Variants in SCN2A observed in about 807,000 individuals in gnomAD.
The protein encoded by SCN2A is sodium channel protein type 2 subunit alpha.
Under a neutral mutation model 188.7 loss-of-function variants are expected in SCN2A, and 20 were observed. The ratio of observed to expected loss-of-function variants is 0.11; its 90% CI spans 0.07 to 0.15. SCN2A has a LOEUF of 0.15. Ranked by LOEUF, SCN2A falls within the 10% of genes least tolerant of loss-of-function variation. The pLI, the probability that SCN2A is intolerant of heterozygous loss-of-function variation, is 1.00. For missense variants in SCN2A, 1,278 were observed against 2,445.0 expected, an observed-to-expected ratio of 0.52 and a Z score of 10.07; for synonymous variants, 804 against 833.1, an observed-to-expected ratio of 0.97 and a Z score of 0.60.
intron 1 of SCN2A, among the ~76,000 whole-genome samples, chr2:165,294,332 C>A (rs971006080): frequency 9.2e-5 from 14 of 151,988 alleles, no homozygotes; most frequent in Non-Finnish European, 1.8e-4. Context: ...CATCTTCATG[C>A]CTATGTCTGT....
At chr2:165,294,564 CT>C (rs1696396493) in intron 1 of SCN2A, among the ~76,000 whole-genome samples, 1 of 151,356 alleles carries the variant, frequency 6.6e-6, no homozygotes, top group Admixed American at 6.6e-5. Flanking sequence ...ACATTTCACT[CT>C]TAGAAAATGC....
intron 1 of SCN2A, among the ~76,000 whole-genome samples, chr2:165,291,482 C>CT (rs763026058): frequency 1.0e-4 from 6 of 59,056 alleles, no homozygotes; most frequent in African/African-American, 4.2e-4. Context: ...TTCTTTCTTT[C>CT]TTTCTTTCTT....
rs190509619 is a variant in SCN2A, at chr2:165,325,602, G to A, written c.2017-1250G>A. Among the ~76,000 whole-genome samples the A allele has an allele frequency of 9.7e-3, 1,470 of 152,156 alleles. 8 individuals carry two copies. Among genetic ancestry groups the A allele is most frequent in the Admixed American group, 0.018 (268 of 15,284 alleles). On this transcript the variant is annotated intron_variant, in intron 12 of 26. Transcript: ENST00000375437. ...ACATGTGCTTCTGTGTAGAACAGAA[G>A]GGACTAGATGATCTTCATGTGACTA...
At position 165,263,596 on chromosome 2, in the gene SCN2A, A is replaced by G. The variant is rs373277408; in HGVS notation, c.-52+23956A>G. On this transcript the variant is annotated intron_variant, in intron 1 of 26. Coordinates refer to ENST00000375437, the MANE Select transcript of SCN2A (RefSeq NM_001040142.2). ...TGGTCTATATGCTGACTTTTATGCC[A>G]GTACCTGCTGTTTTGGTGACTATAG... Among the ~76,000 whole-genome samples, 7 of 152,242 alleles carry G rather than the reference A, an allele frequency of 4.6e-5. No homozygotes were observed. The East Asian group carries it at 9.6e-4, about 21-fold the overall frequency.
chr2:165,312,037 T>C lies in SCN2A; in HGVS notation c.983T>C (p.Phe328Ser), dbSNP rs1229660601. The C allele has an allele frequency of 6.2e-7, 1 of 1,611,842 alleles. No homozygotes were observed. Among genetic ancestry groups the C allele is most frequent in the Non-Finnish European group, 8.5e-7 (1 of 1,178,598 alleles). ...EYIEDKSHFY[F>S]LEGQNDALLC... ...TCTCTTTAAATAGGTCACTTTTATT[T>C]TTTAGAGGGGCAAAATGATGCTCTG... Residue 328 changes from phenylalanine (F) to serine (S), a missense_variant, in exon 8 of 27, where the codon TTT becomes TCT. This residue lies in a region of SCN2A where 45 missense variants were observed against 58.1 expected (regional missense o/e 0.77). Transcript: ENST00000375437.
chr2:165,315,520 G>A lies in SCN2A; in HGVS notation c.1433G>A (p.Gly478Asp), dbSNP rs2105259619. ...SAESRDFSGA[G>D]GIGVFSESSS... The stretch of plus-strand genomic sequence containing the variant: ...GAATCAAGAGACTTCAGTGGTGCTG[G>A]TGGGATAGGAGTTTTTTCAGAGAGT... Residue 478 changes from glycine to aspartate, a missense_variant, in exon 11 of 27, where the codon GGT becomes GAT. Coordinates refer to ENST00000375437, the MANE Select transcript of SCN2A (RefSeq NM_001040142.2). The A allele has an allele frequency of 6.2e-6, 10 of 1,614,020 alleles. No individual in the cohort carries two copies. Among genetic ancestry groups the A allele is most frequent in the Admixed American group, 1.7e-5 (1 of 60,002 alleles).
Position 165,370,161 on chromosome 2 carries a change from C to G in SCN2A, c.3711C>G (p.Thr1237=), listed in dbSNP as rs1438275975. The G allele has an allele frequency of 1.2e-6, 2 of 1,613,970 alleles. No homozygotes were observed. Among genetic ancestry groups the G allele is most frequent in the South Asian group, 2.2e-5 (2 of 91,072 alleles). The part of the protein sequence containing the change: ...FEDIYIEQRK[T]IKTMLEYADK... ...ATATATACATTGAGCAGCGAAAAAC[C>G]ATTAAGACCATGTTAGAATATGCTG... Residue 1237 remains threonine, a synonymous_variant, in exon 20 of 27, where the codon ACC becomes ACG. Coordinates refer to ENST00000375437, the MANE Select transcript of SCN2A (RefSeq NM_001040142.2).
chr2:165,280,979 T>C (rs1303272275), intron 1 of SCN2A, among the ~76,000 whole-genome samples: 6 of 152,204 alleles, frequency 3.9e-5, no homozygotes, highest in African/African-American at 1.4e-4. Flanking sequence ...CCCAGCCAGT[T>C]GGGAGGCCAA....
intron 1 of SCN2A, chr2:165,294,187 T>A: frequency 2.5e-6 from 2 of 804,330 alleles, no homozygotes; most frequent in Non-Finnish European, 3.0e-6. Context: ...CTTCTCTACC[T>A]TTACAGTAGT....
At chr2:165,311,434 A>G (rs916890108) in intron 7 of SCN2A, among the ~76,000 whole-genome samples, 6 of 152,116 alleles carry the variant, frequency 3.9e-5, no homozygotes, top group African/African-American at 1.2e-4. Flanking sequence ...CTCAGACAAC[A>G]TATCTCTCCA....
intron 11 of SCN2A, 117 bp downstream of exon 11, chr2:165,315,875 G>C: frequency 8.5e-7 from 1 of 1,180,156 alleles, no homozygotes; most frequent in South Asian, 1.5e-5. Flanking sequence ...TCAGAGTAGT[G>C]ATGATTATCA....
chr2:165,303,255 G>A lies in SCN2A; in HGVS notation c.387-4593G>A, dbSNP rs1574541480. On this transcript the variant is annotated intron_variant, in intron 3 of 26. Coordinates refer to ENST00000375437, the MANE Select transcript of SCN2A (RefSeq NM_001040142.2). ...CTACATTAAATACTTTTGTATTTGA[G>A]TTTTTGTTATTTGAGTTTTTTTTTT... is the stretch of plus-strand genomic sequence containing the variant. 1.2e-4 allele frequency among the ~76,000 whole-genome samples: 15 copies of A among 122,390 alleles called. 1 individual carries two copies. In the South Asian group the frequency reaches 4.0e-3, roughly 33 times the overall value. The allele number at this position is 122,390 out of a possible 152,430, so 80.3% of individuals were successfully genotyped here. A position where few individuals can be genotyped will look rare whatever the true frequency, so the allele number is the denominator to read the frequency against.
chr2:165,256,105 A>C (rs891021704), intron 1 of SCN2A, among the ~76,000 whole-genome samples: 3 of 145,978 alleles, frequency 2.1e-5, no homozygotes, highest in African/African-American at 7.7e-5. Flanking sequence ...TCCCGGGTTC[A>C]AACAATTCTC....
At position 165,344,794 on chromosome 2, in the gene SCN2A, C is replaced by A; in HGVS notation, c.2802C>A (p.Ile934=). Reference sequence around the variant, plus strand: ...ATGACTTTTTCCACTCCTTCCTGATCGTGTTCCGCGTGCTGTGTGGAGAGT... The same window carrying A: ...ATGACTTTTTCCACTCCTTCCTGATAGTGTTCCGCGTGCTGTGTGGAGAGT... ...HMHDFFHSFL[I]VFRVLCGEWI... is the part of the protein sequence containing the mutation. Residue 934 remains isoleucine (I), a synonymous_variant, in exon 16 of 27, where the codon ATC becomes ATA. Coordinates refer to ENST00000375437, the MANE Select transcript of SCN2A (RefSeq NM_001040142.2). 1 of 1,614,154 alleles carries A rather than the reference C, an allele frequency of 6.2e-7. No individual in the cohort carries two copies. The highest frequency in any genetic ancestry group is 8.5e-7 in the Non-Finnish European group (1 of 1,180,032).
intron 16 of SCN2A, among the ~76,000 whole-genome samples, chr2:165,350,191 C>T (rs1699809944): frequency 6.6e-6 from 1 of 152,178 alleles, no homozygotes; most frequent in Non-Finnish European, 1.5e-5. Flanking sequence ...AGACAACTTC[C>T]TCTCTCCCTA....
chr2:165,283,332 A>C (rs1695665581), intron 1 of SCN2A, among the ~76,000 whole-genome samples: 1 of 152,196 alleles, frequency 6.6e-6, no homozygotes, highest in South Asian at 2.1e-4. Flanking sequence ...CTGAATGAGC[A>C]CTCAGGACTA....
At chr2:165,268,650 G>T in intron 1 of SCN2A, 1 of 152,134 alleles carries the variant, frequency 6.6e-6, no homozygotes, top group South Asian at 2.0e-4. Flanking sequence ...AAATTAGTGT[G>T]ATAAAGAGAT....
At chr2:165,259,060 C>T (rs1694457727) in intron 1 of SCN2A, among the ~76,000 whole-genome samples, 1 of 152,196 alleles carries the variant, frequency 6.6e-6, no homozygotes. Flanking sequence ...CAAACCTTCA[C>T]ATGTACCTCT....
intron 16 of SCN2A, among the ~76,000 whole-genome samples, chr2:165,345,641 C>G (rs537715747): frequency 6.6e-6 from 1 of 151,648 alleles, no homozygotes; most frequent in African/African-American, 2.4e-5. Context: ...CACAGCACAC[C>G]GATGGGTCTT....
Sources: allele counts gnomAD v4.1 joint callset (sites outside exome capture counted in the v4.1 genomes callset), GRCh38; gene constraint gnomAD v4.1.1; regional missense constraint gnomAD v4.1.1; transcripts MANE v1.5; gene names NCBI Gene and HGNC (gene_info 2026-07-23, HGNC 2026-07-21).